TTC29: variants seen among roughly 807,000 people sequenced by gnomAD.
TTC29 encodes tetratricopeptide repeat protein 29.
A neutral mutation model predicts 58.1 loss-of-function variants in TTC29; 49 were observed. That is an observed-to-expected ratio of 0.84 (90% CI 0.67 to 1.07). The LOEUF (loss-of-function observed/expected upper bound fraction) is 1.07, where lower values mean the gene tolerates loss of function less well. Among genes scored for constraint, TTC29 ranks in the 50% least tolerant of loss-of-function variants. TTC29 has a pLI of 0.00. For synonymous variants in TTC29, 209 were observed against 196.8 expected, an observed-to-expected ratio of 1.06 and a Z score of -0.52; for missense variants, 582 against 555.6, an observed-to-expected ratio of 1.05 and a Z score of -0.48.
intron 11 of TTC29, among the ~76,000 whole-genome samples, chr4:146,759,231 G>A (rs1415645250): frequency 6.6e-6 from 1 of 152,022 alleles, no homozygotes; most frequent in African/African-American, 2.4e-5. Flanking sequence ...AAACCTAGAA[G>A]ACATGAATAA....
At chr4:146,719,189 G>GGTGGGT (rs1554004579) in intron 11 of TTC29, among the ~76,000 whole-genome samples, 3 of 144,184 alleles carry the variant, frequency 2.1e-5, no homozygotes, top group Admixed American at 7.0e-5. Context: ...TGGCTATTGG[G>GGTGGGT]GTGTGTGTGT....
At chr4:146,824,506 T>C (rs1727627746) in intron 9 of TTC29, among the ~76,000 whole-genome samples, 1 of 152,206 alleles carries the variant, frequency 6.6e-6, no homozygotes, top group Non-Finnish European at 1.5e-5. Flanking sequence ...AGTCTGCCAG[T>C]ATTTTATTGA....
intron 11 of TTC29, among the ~76,000 whole-genome samples, chr4:146,712,005 CAATAAATA>C (rs541582442): frequency 5.9e-5 from 9 of 151,764 alleles, no homozygotes; most frequent in East Asian, 5.8e-4. Context: ...AAATCCCTTC[CAATAAATA>C]AATAAATAAA....
At position 146,787,874 on chromosome 4, in the gene TTC29, G is replaced by A. The variant is rs547749965; in HGVS notation, c.1330+15583C>T. 1.1e-3 allele frequency among the ~76,000 whole-genome samples: 155 copies of A among 146,278 alleles called. 1 individual carries two copies. The highest frequency in any genetic ancestry group is 2.7e-3 in the Admixed American group (39 of 14,392). On this transcript the variant is annotated intron_variant, in intron 11 of 12. Transcript: ENST00000325106. ...TTCCCTCCTTCCCCTCCTCCTGTCG[G>A]TCACCAGCTGCCAATCTGCCCCCTT...
chr4:146,898,348 C>T (rs997867177), intron 6 of TTC29, among the ~76,000 whole-genome samples: 3 of 152,194 alleles, frequency 2.0e-5, no homozygotes, highest in East Asian at 1.9e-4. Context: ...TACTGTGCTG[C>T]TCCTGGTGCC....
chr4:146,839,570 G>GTGTGTGTGTGTA (rs1728723003), intron 8 of TTC29, among the ~76,000 whole-genome samples: 1 of 150,802 alleles, frequency 6.6e-6, no homozygotes, highest in South Asian at 2.1e-4. Flanking sequence ...GTGTGTGTGT[G>GTGTGTGTGTGTA]TGTAAGTTTT....
In TTC29 at chr4:146,860,841, G is replaced by T. The variant is rs776243117; in HGVS notation, c.885+6657C>A. Among the ~76,000 whole-genome samples, 293 of 152,008 alleles carry T rather than the reference G, an allele frequency of 1.9e-3. 5 individuals are homozygous for T. Among genetic ancestry groups the T allele is most frequent in the Non-Finnish European group, 5.1e-4 (35 of 67,982 alleles). On this transcript the variant is annotated intron_variant, in intron 8 of 12. Coordinates refer to ENST00000325106, the MANE Select transcript of TTC29 (RefSeq NM_031956.4). The stretch of plus-strand genomic sequence containing the variant: ...TGCTACTGGTGAGGCTGGAGATATA[G>T]GTCAACCACATCTACAAGTTAACAC...
At chr4:146,771,818 T>C (rs1434245789) in intron 11 of TTC29, among the ~76,000 whole-genome samples, 1 of 152,132 alleles carries the variant, frequency 6.6e-6, no homozygotes, top group Non-Finnish European at 1.5e-5. Flanking sequence ...TGTTTTAAAT[T>C]CTTTGCCCTG....
At chr4:146,738,760 C>A (rs1011453894) in intron 11 of TTC29, among the ~76,000 whole-genome samples, 1 of 152,104 alleles carries the variant, frequency 6.6e-6, no homozygotes, top group African/African-American at 2.4e-5. Flanking sequence ...ATCTTAAGAC[C>A]CTCCCCAGAG....
intron 8 of TTC29, among the ~76,000 whole-genome samples, chr4:146,843,822 G>T (rs973817550): frequency 1.1e-4 from 17 of 152,126 alleles, no homozygotes; most frequent in Non-Finnish European, 1.0e-4. Flanking sequence ...TCTGTAAGAA[G>T]CAAAGGGATG....
intron 12 of TTC29, 103 bp from the exon 13 acceptor site, chr4:146,707,291 T>C (rs912547561): frequency 5.9e-5 from 54 of 910,548 alleles, no homozygotes; most frequent in Middle Eastern, 6.7e-4. Context: ...CAGATGTGGC[T>C]TCAAAATTAA....
rs115845105 is a variant in TTC29, at chr4:146,825,813, T to C, written c.978-5565A>G. Among the ~76,000 whole-genome samples the C allele has an allele frequency of 8.6e-3, 1,305 of 152,350 alleles. 9 individuals are homozygous for C. The highest frequency in any genetic ancestry group is 0.014 in the Non-Finnish European group (931 of 68,032). The stretch of plus-strand genomic sequence containing the variant: ...GCATTGGGTGCATATATATTTAGAA[T>C]AATTAGTCCTTCTTGTTGAATTGTT... On this transcript the variant is annotated intron_variant, in intron 9 of 12. Coordinates refer to ENST00000325106, the MANE Select transcript of TTC29 (RefSeq NM_031956.4).
intron 8 of TTC29, among the ~76,000 whole-genome samples, chr4:146,864,055 A>T (rs907377949): frequency 6.6e-6 from 1 of 152,160 alleles, no homozygotes; most frequent in African/African-American, 2.4e-5. Flanking sequence ...TTGGCACATA[A>T]AATTAACTTT....
chr4:146,826,762 G>A (rs527630581), intron 9 of TTC29, among the ~76,000 whole-genome samples: 16 of 151,856 alleles, frequency 1.1e-4, no homozygotes, highest in East Asian at 2.0e-4. Flanking sequence ...TTGTAGGCTC[G>A]GTCTTTTTAT....
At position 146,728,774 on chromosome 4, in the gene TTC29, CAT is replaced by C. The variant is rs1454226268; in HGVS notation, c.1331-21225_1331-21224del. Among the ~76,000 whole-genome samples, 98 of 124,046 alleles carry C rather than the reference CAT, an allele frequency of 7.9e-4. 2 individuals carry two copies. The highest frequency in any genetic ancestry group is 3.1e-3 in the African/African-American group (95 of 31,078). 81.4% of individuals were successfully genotyped at this position (124,046 alleles called of 152,430 possible). Reference sequence around the variant, plus strand: ...GAGGATATATGTACATATATATACACATATATATGTGTATATATACGTATATA... The same window carrying C: ...GAGGATATATGTACATATATATACACATATATGTGTATATATACGTATATA... On this transcript the variant is annotated intron_variant, in intron 11 of 12. Coordinates refer to ENST00000325106, the MANE Select transcript of TTC29 (RefSeq NM_031956.4).
At chr4:146,941,526 A>G (rs1226750821) in intron 2 of TTC29, among the ~76,000 whole-genome samples, 8 of 152,182 alleles carry the variant, frequency 5.3e-5, no homozygotes, top group Admixed American at 5.2e-4. Context: ...ATAGAACCTC[A>G]GATGTTGATA....
intron 5 of TTC29, among the ~76,000 whole-genome samples, chr4:146,906,061 C>A (rs927161859): frequency 6.6e-6 from 1 of 151,996 alleles, no homozygotes; most frequent in South Asian, 2.1e-4. Flanking sequence ...ATTCTCTTAC[C>A]CATTACCATT....
chr4:146,718,098 A>ATATATATATTTCAT (rs1240761822), intron 11 of TTC29, among the ~76,000 whole-genome samples: 3 of 152,142 alleles, frequency 2.0e-5, no homozygotes, highest in Non-Finnish European at 4.4e-5. Flanking sequence ...ATACTTCATT[A>ATATATATATTTCAT]TATATATATC....
intron 8 of TTC29, among the ~76,000 whole-genome samples, chr4:146,854,715 C>G (rs759556454): frequency 6.6e-6 from 1 of 152,136 alleles, no homozygotes; most frequent in African/African-American, 2.4e-5. Context: ...GAATGATGGC[C>G]ACACCAGCTT....
Sources: allele counts gnomAD v4.1 joint callset (sites outside exome capture counted in the v4.1 genomes callset), GRCh38; gene constraint gnomAD v4.1.1; transcripts MANE v1.5; gene names NCBI Gene and HGNC (gene_info 2026-07-23, HGNC 2026-07-21).